Variants in PRKN observed in about 807,000 individuals in gnomAD.
PRKN encodes the protein E3 ubiquitin-protein ligase parkin.
PRKN carries 56 observed loss-of-function variants against 59.5 expected under a neutral mutation model. The observed-to-expected ratio is 0.94, with a 90% CI of 0.76 to 1.18. The LOEUF (loss-of-function observed/expected upper bound fraction) is 1.18. Ranked by LOEUF, PRKN falls within the 50% of genes most tolerant of loss-of-function variation. The pLI is 0.00. For synonymous variants in PRKN, 250 were observed against 222.1 expected, an observed-to-expected ratio of 1.13 and a Z score of -1.12; for missense variants, 657 against 596.4, an observed-to-expected ratio of 1.10 and a Z score of -1.06.
At position 161,488,054 on chromosome 6, in the gene PRKN, A is replaced by G. The variant is rs142548738; in HGVS notation, c.1083+60800T>C. Among the ~76,000 whole-genome samples, 2 of 152,346 alleles carry G rather than the reference A, an allele frequency of 1.3e-5. No individual in the cohort carries two copies. Among genetic ancestry groups the G allele is most frequent in the Non-Finnish European group, 2.9e-5 (2 of 68,036 alleles). On this transcript the variant is annotated intron_variant, in intron 9 of 11. Transcript: ENST00000366898. This position sits in a 1 kb window ranked among gnomAD's most constrained non-coding sequence, Gnocchi z 4.5. ...AATAATGTAATTCCAGTTAGTGGTA[A>G]GTGATGAAGAAAGCAGGGCTGGCTT...
Position 161,499,423 on chromosome 6 carries a change from C to T in PRKN, c.1083+49431G>A, listed in dbSNP as rs1777875293. ...TTTCTTTGTGGAGTGCATAATTCTC[C>T]TAAGTATGAAAGTGAAAAGCTAAGA... On this transcript the variant is annotated intron_variant, in intron 9 of 11. Transcript: ENST00000366898. This position sits in a 1 kb window ranked among gnomAD's most constrained non-coding sequence, Gnocchi z 4.2. Among the ~76,000 whole-genome samples, 1 of 152,040 alleles carries T rather than the reference C, an allele frequency of 6.6e-6. No homozygotes were observed.
intron 1 of PRKN, among the ~76,000 whole-genome samples, chr6:162,616,797 C>T (rs1782440443): frequency 6.6e-6 from 1 of 152,078 alleles, no homozygotes; most frequent in Non-Finnish European, 1.5e-5. Flanking sequence ...TGCTATACTT[C>T]GCAATATAAT....
chr6:162,702,979 A>G (rs563545075), intron 1 of PRKN, among the ~76,000 whole-genome samples: 1 of 152,346 alleles, frequency 6.6e-6, no homozygotes, highest in East Asian at 1.9e-4. Context: ...AAAAAATTAA[A>G]TGAATCAATT....
At chr6:162,123,530 T>A (rs1781005915) in intron 4 of PRKN, among the ~76,000 whole-genome samples, 1 of 152,208 alleles carries the variant, frequency 6.6e-6, no homozygotes, top group Non-Finnish European at 1.5e-5. Context: ...ACTTTATCAT[T>A]TAAGTTATTC....
At chr6:162,592,161 G>C (rs748312104) in intron 1 of PRKN, among the ~76,000 whole-genome samples, 2 of 152,030 alleles carry the variant, frequency 1.3e-5, no homozygotes, top group Non-Finnish European at 2.9e-5. Context: ...CACCACGCCC[G>C]GGTAATTTTG....
chr6:162,600,179 C>G (rs563251060), intron 1 of PRKN, among the ~76,000 whole-genome samples: 2 of 152,288 alleles, frequency 1.3e-5, no homozygotes, highest in African/African-American at 4.8e-5. Context: ...CCTTTCCTGA[C>G]TTCTATCACC....
intron 4 of PRKN, among the ~76,000 whole-genome samples, chr6:162,147,746 T>C (rs1782091056): frequency 6.6e-6 from 1 of 152,202 alleles, no homozygotes; most frequent in Non-Finnish European, 1.5e-5. Flanking sequence ...TTAAAAACGA[T>C]ATTAGCAATA....
chr6:162,544,923 C>T (rs1182892399), intron 1 of PRKN, among the ~76,000 whole-genome samples: 1 of 150,186 alleles, frequency 6.7e-6, no homozygotes. Context: ...GTGATCCACC[C>T]ACCTCAGCCT....
intron 3 of PRKN, among the ~76,000 whole-genome samples, chr6:162,234,124 A>T (rs536150031): frequency 6.6e-6 from 1 of 152,292 alleles, no homozygotes; most frequent in East Asian, 1.9e-4. Context: ...GGATGGGGGA[A>T]AAAAGCAGAG....
At chr6:161,726,374 G>A (rs7743975) in intron 7 of PRKN, among the ~76,000 whole-genome samples, 9,208 of 152,166 alleles carry the variant, frequency 0.061, 945 homozygotes, top group African/African-American at 0.21. Context: ...GTTGTTGCAC[G>A]TGGAAAAAAA....
rs1411784112 is a variant in PRKN at position 161,471,905 on chromosome 6, G to A, written c.1083+76949C>T. Reference sequence around the variant, plus strand: ...GGTGTGGATAGTTTTCTTTTGCTATGTGGTGGCAAGACCTCACCTGGAATC... The same window carrying A: ...GGTGTGGATAGTTTTCTTTTGCTATATGGTGGCAAGACCTCACCTGGAATC... On this transcript the variant is annotated intron_variant, in intron 9 of 11. Transcript: ENST00000366898. This position sits in a 1 kb window ranked among gnomAD's most constrained non-coding sequence, Gnocchi z 4.5. Among the ~76,000 whole-genome samples the A allele has an allele frequency of 1.3e-5, 2 of 152,140 alleles. No homozygotes were observed. Among genetic ancestry groups the A allele is most frequent in the East Asian group, 3.9e-4 (2 of 5,194 alleles).
intron 2 of PRKN, among the ~76,000 whole-genome samples, chr6:162,348,544 C>A (rs376589016): frequency 2.6e-4 from 39 of 152,124 alleles, no homozygotes; most frequent in African/African-American, 7.7e-4. Flanking sequence ...CAAATTAAAT[C>A]CAAAGAAAGT....
rs183640352 is a variant in PRKN, at chr6:161,372,931, G to A, written c.1168-12726C>T. Reference sequence around the variant, plus strand: ...TCTAGCCTGGAAATCCTGGGCTCTCGAGTAGCTGGGACTACAGGCACATGC... The same window carrying A: ...TCTAGCCTGGAAATCCTGGGCTCTCAAGTAGCTGGGACTACAGGCACATGC... On this transcript the variant is annotated intron_variant, in intron 10 of 11. Coordinates refer to ENST00000366898, the MANE Select transcript of PRKN (RefSeq NM_004562.3). The surrounding 1 kb of genome is among the most constrained non-coding windows in gnomAD (Gnocchi z 4.2). Among the ~76,000 whole-genome samples the A allele has an allele frequency of 5.7e-3, 861 of 150,404 alleles. 6 individuals are homozygous for A. The highest frequency in any genetic ancestry group is 9.0e-3 in the Non-Finnish European group (614 of 67,852).
intron 7 of PRKN, among the ~76,000 whole-genome samples, chr6:161,590,419 G>A (rs553432817): frequency 6.6e-6 from 1 of 152,130 alleles, no homozygotes; most frequent in Non-Finnish European, 1.5e-5. Context: ...CCAACATGGT[G>A]AAACCCCATC....
At chr6:161,743,687 A>G (rs1343392129) in intron 7 of PRKN, among the ~76,000 whole-genome samples, 3 of 152,084 alleles carry the variant, frequency 2.0e-5, no homozygotes, top group East Asian at 3.9e-4. Context: ...ACTGCCGGGC[A>G]CACCGTGAGC....
At chr6:162,293,278 G>C (rs1056689420) in intron 2 of PRKN, among the ~76,000 whole-genome samples, 5 of 152,184 alleles carry the variant, frequency 3.3e-5, no homozygotes, top group African/African-American at 1.2e-4. Flanking sequence ...AGGATGAAAG[G>C]ATAAGAAGAG....
intron 7 of PRKN, among the ~76,000 whole-genome samples, chr6:161,746,954 A>T (rs1788458165): frequency 6.6e-6 from 1 of 151,888 alleles, no homozygotes; most frequent in Non-Finnish European, 1.5e-5. Context: ...TTATCCACAA[A>T]TATAATTATA....
chr6:162,154,250 C>T (rs965072086), intron 4 of PRKN, among the ~76,000 whole-genome samples: 5 of 152,032 alleles, frequency 3.3e-5, no homozygotes, highest in Non-Finnish European at 7.4e-5. Context: ...GACATATGAC[C>T]GCCCTGCACA....
At position 161,680,755 on chromosome 6, in the gene PRKN, ATATATATATATATATATATATTTTTT is replaced by A. The variant is rs1296856893; in HGVS notation, c.871+104991_871+105016del. 1.7e-4 allele frequency among the ~76,000 whole-genome samples: 3 copies of A among 18,068 alleles called. No individual in the cohort carries two copies. The East Asian group carries it at 6.2e-3, about 37-fold the overall frequency. The allele number at this position is 18,068 out of a possible 152,430, so 11.9% of individuals were successfully genotyped here. A position where few individuals can be genotyped will look rare whatever the true frequency, so the allele number is the denominator to read the frequency against. ...TATATATATATATATATATATATAT[ATATATATATATATATATATATTTTTT>A]TTTTTTTTTCTTTTCCTAAAACAAC... is the stretch of plus-strand genomic sequence containing the variant. On this transcript the variant is annotated intron_variant, in intron 7 of 11. Transcript: ENST00000366898.
Sources: allele counts gnomAD v4.1 joint callset (sites outside exome capture counted in the v4.1 genomes callset), GRCh38; gene constraint gnomAD v4.1.1; non-coding constraint Gnocchi (gnomAD v3.1); transcripts MANE v1.5; gene names NCBI Gene and HGNC (gene_info 2026-07-23, HGNC 2026-07-21).